URB1: variants seen among roughly 807,000 people sequenced by gnomAD.
The protein encoded by URB1 is URB1 ribosome biogenesis factor.
Under a neutral mutation model 242.3 loss-of-function variants are expected in URB1, and 197 were observed. The ratio of observed to expected loss-of-function variants is 0.81; its 90% CI spans 0.72 to 0.91. The LOEUF is 0.91. Among genes scored for constraint, URB1 ranks in the 40% least tolerant of loss-of-function variants. URB1 has a pLI of 0.00. For synonymous variants in URB1, 1,153 were observed against 1,201.8 expected (o/e 0.96, Z 0.84); for missense variants, 2,721 against 2,860.5 (o/e 0.95, Z 1.11).
At chr21:32,320,734 T>A in intron 34 of URB1, 94 bp from the exon 35 acceptor site, 1 of 910,114 alleles carries the variant, frequency 1.1e-6, no homozygotes, top group Non-Finnish European at 1.7e-6. Flanking sequence ...ATGGTGCCAT[T>A]ACAGGTGGTG....
At chr21:32,366,579 G>A (rs2033349133) in intron 10 of URB1, 39 bp downstream of exon 10, 2 of 1,549,522 alleles carry the variant, frequency 1.3e-6, no homozygotes, top group Non-Finnish European at 1.7e-6. Flanking sequence ...GAGTTTAGCT[G>A]GAGGCAGTTC....
chr21:32,372,450 G>A, intron 8 of URB1, 57 bp downstream of exon 8: 1 of 1,525,986 alleles, frequency 6.6e-7, no homozygotes, highest in Non-Finnish European at 8.8e-7. Flanking sequence ...ACTCACATAT[G>A]TGGTGACTTC....
chr21:32,314,601 G>T lies in URB1; in HGVS notation c.*317C>A, dbSNP rs115917390. ...CATTCAGAAGTGCTGCCTCAAACTC[G>T]AGCTATTTCCTGTGATGAGCTCCAA... On this transcript the variant is annotated 3_prime_UTR_variant, in exon 39 of 39. Coordinates refer to ENST00000382751, the MANE Select transcript of URB1 (RefSeq NM_014825.3). The T allele has an allele frequency of 1.4e-3, 2,274 of 1,614,094 alleles. 19 individuals carry two copies. The African/African-American group carries it at 0.026, about 19-fold the overall frequency.
In URB1 at chr21:32,311,532, G is replaced by A. The variant is rs1347521934; in HGVS notation, c.*3386C>T. The A allele has an allele frequency of 9.0e-7, 1 of 1,114,624 alleles. No individual in the cohort carries two copies. The highest frequency in any genetic ancestry group is 1.3e-6 in the Non-Finnish European group (1 of 791,464). The allele number at this position is 1,114,624 out of a possible 1,614,324, so 69.0% of individuals were successfully genotyped here. On this transcript the variant is annotated 3_prime_UTR_variant, in exon 39 of 39. Transcript: ENST00000382751. ...ATTTCTCTAGAATGGCCACCTTTGTGAGCTGGCTGACCCTTCTCAGGAATT... is the reference window on the plus strand; with the variant it reads ...ATTTCTCTAGAATGGCCACCTTTGTAAGCTGGCTGACCCTTCTCAGGAATT...
intron 23 of URB1, among the ~76,000 whole-genome samples, chr21:32,344,959 C>G (rs1183075891): frequency 6.6e-6 from 1 of 152,174 alleles, no homozygotes. Flanking sequence ...AAGGGAAATA[C>G]TATTAGTACA....
At chr21:32,360,054 C>T in intron 13 of URB1, 146 bp from the exon 14 acceptor site, 3 of 726,134 alleles carry the variant, frequency 4.1e-6, no homozygotes. Flanking sequence ...CTGTGCTCAC[C>T]CTCACATGGC....
chr21:32,357,473 C>A, intron 15 of URB1, 64 bp downstream of exon 15: 3 of 1,376,434 alleles, frequency 2.2e-6, no homozygotes, highest in Admixed American at 3.4e-5. Context: ...TAACTAAACA[C>A]TTACCATAAG....
chr21:32,314,703 A>G lies in URB1; in HGVS notation c.*215T>C. On this transcript the variant is annotated 3_prime_UTR_variant, in exon 39 of 39. Transcript: ENST00000382751. Reference sequence around the variant, plus strand: ...CCTAGAAGTCCCCACATTCCTTGCAACTCTGATGCTGGGCACCTACAGGCC... The same window carrying G: ...CCTAGAAGTCCCCACATTCCTTGCAGCTCTGATGCTGGGCACCTACAGGCC... The G allele has an allele frequency of 1.9e-6, 3 of 1,571,552 alleles. No homozygotes were observed. Among genetic ancestry groups the G allele is most frequent in the East Asian group, 2.2e-5 (1 of 44,648 alleles).
Position 32,345,470 on chromosome 21 carries a change from A to T in URB1, c.3974T>A (p.Ile1325Asn), listed in dbSNP as rs2033076706. The change falls in exon 23 of 39, where the codon ATC becomes AAC. Residue 1325 changes from isoleucine (I) to asparagine (N), a missense_variant. Transcript: ENST00000382751. ...TGCAAACGGGACCAGCTGTGCCAGG[A>T]TCTCCTGGTACAGCCCAGATGCTGG... ...SPPASGLYQE[I>N]LAQLVPFARA... The T allele has an allele frequency of 6.4e-7, 1 of 1,551,592 alleles. No homozygotes were observed. The highest frequency in any genetic ancestry group is 8.7e-7 in the Non-Finnish European group (1 of 1,146,980).
Position 32,311,712 on chromosome 21 carries a change from C to T in URB1, c.*3206G>A. Reference sequence around the variant, plus strand: ...CAGCCCCAAGCACCACCAAACATGCCCCTGGAGTCACGGCCTCAACCTCCA... The same window carrying T: ...CAGCCCCAAGCACCACCAAACATGCTCCTGGAGTCACGGCCTCAACCTCCA... On this transcript the variant is annotated 3_prime_UTR_variant, in exon 39 of 39. Transcript: ENST00000382751. 1 of 1,614,018 alleles carries T rather than the reference C, an allele frequency of 6.2e-7. No homozygotes were observed. Among genetic ancestry groups the T allele is most frequent in the Non-Finnish European group, 8.5e-7 (1 of 1,179,978 alleles).
intron 1 of URB1, among the ~76,000 whole-genome samples, chr21:32,389,744 A>G (rs1378120185): frequency 6.6e-6 from 1 of 152,228 alleles, no homozygotes; most frequent in Non-Finnish European, 1.5e-5. Context: ...ACTCTCTTAC[A>G]GTATGGCCTT....
Position 32,314,429 on chromosome 21 carries a change from C to T in URB1, c.*489G>A, listed in dbSNP as rs1568804431. The T allele has an allele frequency of 3.6e-6, 3 of 827,864 alleles. No individual in the cohort carries two copies. The highest frequency in any genetic ancestry group is 6.1e-6 in the Non-Finnish European group (3 of 488,530). The allele number at this position is 827,864 out of a possible 1,614,324, so 51.3% of individuals were successfully genotyped here. The stretch of plus-strand genomic sequence containing the variant: ...CGAACTCCTGACCTCAGGTGATTCA[C>T]CCGCCTTGGCCTCCCAAAGTGCTGG... On this transcript the variant is annotated 3_prime_UTR_variant, in exon 39 of 39. Coordinates refer to ENST00000382751, the MANE Select transcript of URB1 (RefSeq NM_014825.3).
intron 21 of URB1, 117 bp downstream of exon 21, chr21:32,349,187 G>T: frequency 7.4e-7 from 1 of 1,345,970 alleles, no homozygotes; most frequent in Non-Finnish European, 9.9e-7. Flanking sequence ...CTCTGCTGTA[G>T]TTTCTGCATT....
intron 18 of URB1, among the ~76,000 whole-genome samples, 151 bp from the exon 19 acceptor site, chr21:32,353,057 A>G (rs2033176564): frequency 6.6e-6 from 1 of 152,186 alleles, no homozygotes; most frequent in Non-Finnish European, 1.5e-5. Context: ...AGGAATTGCT[A>G]CTACTGGAGA....
In URB1 at chr21:32,350,697, C is replaced by T. The variant is rs376563796; in HGVS notation, c.2832+7G>A. On this transcript the variant is annotated splice_region_variant and intron_variant, in intron 20 of 38. Coordinates refer to ENST00000382751, the MANE Select transcript of URB1 (RefSeq NM_014825.3). The stretch of plus-strand genomic sequence containing the variant: ...TGAAGCCTGTGGAGGATGGGGGCAA[C>T]GCTGACCTGGCCGAAGTTCTCCACA... 5.1e-5 allele frequency: 79 copies of T among 1,550,482 alleles called. No homozygotes were observed. The African/African-American group carries it at 5.3e-4, about 10-fold the overall frequency.
chr21:32,339,851 C>T (rs1368257723), intron 25 of URB1, among the ~76,000 whole-genome samples: 2 of 152,180 alleles, frequency 1.3e-5, no homozygotes, highest in Admixed American at 6.5e-5. Flanking sequence ...AGTGGAAACG[C>T]CAGGAGGCAT....
At chr21:32,366,090 T>G (rs1380458687) in intron 10 of URB1, among the ~76,000 whole-genome samples, 2 of 152,346 alleles carry the variant, frequency 1.3e-5, no homozygotes, top group Non-Finnish European at 2.9e-5. Flanking sequence ...AATAATGATG[T>G]AAAATTTAAG....
chr21:32,373,291 G>A (rs1030337674), intron 7 of URB1, among the ~76,000 whole-genome samples: 2 of 152,042 alleles, frequency 1.3e-5, no homozygotes, highest in African/African-American at 4.8e-5. Flanking sequence ...TCCAACAACT[G>A]GACATGAAAG....
chr21:32,334,271 T>G lies in URB1; in HGVS notation c.4749A>C (p.Ser1583=). 1 of 1,551,554 alleles carries G rather than the reference T, an allele frequency of 6.4e-7. No individual in the cohort carries two copies. Among genetic ancestry groups the G allele is most frequent in the Non-Finnish European group, 8.7e-7 (1 of 1,146,952 alleles). ...HHKTCRSLGR[S]LWQQPSVGDI... is the part of the protein sequence containing the mutation. ...CCCCGACACTCGGCTGCTGCCACAG[T>G]GACCTGCCCAGGCTCCGGCACGTCT... Residue 1583 remains serine, a synonymous_variant, in exon 29 of 39, where the codon TCA becomes TCC. Coordinates refer to ENST00000382751, the MANE Select transcript of URB1 (RefSeq NM_014825.3).
Sources: allele counts gnomAD v4.1 joint callset (sites outside exome capture counted in the v4.1 genomes callset), GRCh38; gene constraint gnomAD v4.1.1; transcripts MANE v1.5; gene names NCBI Gene and HGNC (gene_info 2026-07-23, HGNC 2026-07-21).